Variants in INTS8 observed in about 807,000 individuals in gnomAD.
The protein encoded by INTS8 is protein kaonashi-1.
INTS8 carries 47 observed loss-of-function variants against 138.9 expected under a neutral mutation model. The ratio of observed to expected loss-of-function variants is 0.34; its 90% confidence interval spans 0.27 to 0.43. The LOEUF (loss-of-function observed/expected upper bound fraction) is 0.43. INTS8 is among the 20% of genes least tolerant of loss of function. The pLI is 1.00. For synonymous variants in INTS8, 392 were observed against 400.9 expected (o/e 0.98, Z 0.27); for missense variants, 996 against 1,173.0 (o/e 0.85, Z 2.20).
At chr8:94,828,422 A>G (rs1814591474) in intron 4 of INTS8, among the ~76,000 whole-genome samples, 2 of 152,212 alleles carry the variant, frequency 1.3e-5, no homozygotes, top group Non-Finnish European at 2.9e-5. Flanking sequence ...TTAGAGTACA[A>G]TACAAAAGTT....
intron 18 of INTS8, chr8:94,866,482 C>T (rs1586519748): frequency 6.3e-6 from 2 of 315,262 alleles, no homozygotes; most frequent in African/African-American, 4.4e-5. Context: ...ATGAGGTCTC[C>T]CCTTGTTGCC....
At chr8:94,851,770 T>TATCAAAAAGGTCA in intron 13 of INTS8, 84 bp downstream of exon 13, 1 of 1,150,570 alleles carries the variant, frequency 8.7e-7, no homozygotes, top group Non-Finnish European at 1.2e-6. Flanking sequence ...CTGACCTTTT[T>TATCAAAAAGGTCA]GATAATAAGG....
chr8:94,870,805 G>T (rs1170324468), intron 20 of INTS8, among the ~76,000 whole-genome samples: 1 of 152,256 alleles, frequency 6.6e-6, no homozygotes, highest in African/African-American at 2.4e-5. Context: ...AGAGCCATGC[G>T]TCTGAATCCA....
Position 94,827,716 on chromosome 8 carries a change from C to T in INTS8, c.447-6C>T, listed in dbSNP as rs376730024. Reference sequence around the variant, plus strand: ...TGAAATTTTCTTTTTCCTGTCTTTTCTTCAGGGCAATTAGGACAATTGTTC... The same window carrying T: ...TGAAATTTTCTTTTTCCTGTCTTTTTTTCAGGGCAATTAGGACAATTGTTC... On this transcript the variant is annotated splice_polypyrimidine_tract_variant and splice_region_variant and intron_variant, in intron 3 of 26. Transcript: ENST00000523731. 2 of 1,612,558 alleles carry T rather than the reference C, an allele frequency of 1.2e-6. No individual in the cohort carries two copies. Among genetic ancestry groups the T allele is most frequent in the African/African-American group, 2.7e-5 (2 of 74,872 alleles).
Position 94,823,333 on chromosome 8 carries a change from C to G in INTS8, c.-99C>G, listed in dbSNP as rs757657197. ...TTCCGGGACGTTCGGAGGGTGGCCT[C>G]TCTCCCACCGGGTTCCGCATACCCC... On this transcript the variant is annotated 5_prime_UTR_variant, in exon 1 of 27. Transcript: ENST00000523731. 1.6e-5 allele frequency: 24 copies of G among 1,513,236 alleles called. No homozygotes were observed. The South Asian group carries it at 2.7e-4, about 17-fold the overall frequency. 93.7% of individuals were successfully genotyped at this position (1,513,236 alleles called of 1,614,324 possible). A position where few individuals can be genotyped will look rare whatever the true frequency, so the allele number is the denominator to read the frequency against.
chr8:94,873,314 A>G (rs1816463137), intron 21 of INTS8, 60 bp from the exon 22 acceptor site: 5 of 1,133,754 alleles, frequency 4.4e-6, no homozygotes, highest in Non-Finnish European at 6.7e-6. Flanking sequence ...ACTCTTTACA[A>G]AGGAATCCCT....
intron 1 of INTS8, among the ~76,000 whole-genome samples, chr8:94,824,177 C>T (rs1191645909): frequency 1.3e-5 from 2 of 152,112 alleles, no homozygotes; most frequent in Non-Finnish European, 2.9e-5. Context: ...GAGGAAAACT[C>T]CAGGCATTCT....
At chr8:94,824,400 C>G (rs1814402638) in intron 1 of INTS8, among the ~76,000 whole-genome samples, 1 of 152,296 alleles carries the variant, frequency 6.6e-6, no homozygotes, top group East Asian at 1.9e-4. Context: ...GGGTGCCATG[C>G]ACTGTGCTTA....
chr8:94,843,258 A>T (rs758312547), intron 10 of INTS8, among the ~76,000 whole-genome samples: 7 of 152,122 alleles, frequency 4.6e-5, no homozygotes, highest in Admixed American at 6.6e-5. Context: ...ATAAATAACA[A>T]TTTTTTTCAT....
Position 94,871,711 on chromosome 8 carries a change from T to C in INTS8, c.2415-173T>C, listed in dbSNP as rs567993662. ...ACCCCTCATAAAAAGCCCATCACAC[T>C]TTCTTAGACTTAGTTGTGTTGATAG... On this transcript the variant is annotated intron_variant, in intron 20 of 26. Transcript: ENST00000523731. Among the ~76,000 whole-genome samples, 5 of 152,334 alleles carry C rather than the reference T, an allele frequency of 3.3e-5. No homozygotes were observed. The South Asian group carries it at 1.0e-3, about 32-fold the overall frequency.
intron 5 of INTS8, among the ~76,000 whole-genome samples, chr8:94,831,482 CTTTTT>C: frequency 8.2e-6 from 1 of 121,580 alleles, no homozygotes; most frequent in East Asian, 2.4e-4. Flanking sequence ...TTGTCTTTTT[CTTTTT>C]TTTTTTTTTT....
chr8:94,881,130 T>G lies in INTS8; in HGVS notation c.*896T>G. 2.5e-6 allele frequency: 1 copy of G among 396,032 alleles called. No individual in the cohort carries two copies. The highest frequency in any genetic ancestry group is 4.5e-6 in the Non-Finnish European group (1 of 224,660). 24.5% of individuals were successfully genotyped at this position (396,032 alleles called of 1,614,324 possible). On this transcript the variant is annotated 3_prime_UTR_variant, in exon 27 of 27. Coordinates refer to ENST00000523731, the MANE Select transcript of INTS8 (RefSeq NM_017864.4). Reference sequence around the variant, plus strand: ...GCAGCTATAGATAAATTAGTCACCTTATTACAAAACTAAACCTTTGTAAAC... The same window carrying G: ...GCAGCTATAGATAAATTAGTCACCTGATTACAAAACTAAACCTTTGTAAAC...
intron 2 of INTS8, among the ~76,000 whole-genome samples, chr8:94,825,384 A>G (rs1462997653): frequency 2.0e-5 from 3 of 151,878 alleles, no homozygotes; most frequent in Non-Finnish European, 4.4e-5. Context: ...GTGAGCCGAG[A>G]TGGCGCTACT....
Position 94,881,546 on chromosome 8 carries a change from C to T in INTS8, c.*1312C>T. ...TTGGCTAGGGCAATCAATCACAGCA[C>T]TACTTTCTGTAAAACTTTAGTAGTT... On this transcript the variant is annotated 3_prime_UTR_variant, in exon 27 of 27. Transcript: ENST00000523731. 7.2e-7 allele frequency: 1 copy of T among 1,392,280 alleles called. No homozygotes were observed. 86.2% of individuals were successfully genotyped at this position (1,392,280 alleles called of 1,614,324 possible).
intron 10 of INTS8, among the ~76,000 whole-genome samples, chr8:94,843,354 T>G (rs1372883727): frequency 6.6e-6 from 1 of 152,128 alleles, no homozygotes; most frequent in Non-Finnish European, 1.5e-5. Context: ...GATCACAAGG[T>G]CAGGAGTTCA....
At chr8:94,862,584 T>C (rs1377803253) in intron 16 of INTS8, among the ~76,000 whole-genome samples, 1 of 152,214 alleles carries the variant, frequency 6.6e-6, no homozygotes, top group Non-Finnish European at 1.5e-5. Context: ...AGAGGCTGTC[T>C]CACTGCTTCC....
chr8:94,853,430 GC>G (rs1815625467), intron 13 of INTS8, among the ~76,000 whole-genome samples: 1 of 152,178 alleles, frequency 6.6e-6, no homozygotes, highest in Non-Finnish European at 1.5e-5. Flanking sequence ...TACTTAAATA[GC>G]CGTATAATCT....
rs149166424 is a variant in INTS8 at position 94,856,187 on chromosome 8, T to C, written c.1753-590T>C. On this transcript the variant is annotated intron_variant, in intron 14 of 26. Transcript: ENST00000523731. ...ATTCCTGTAAGATAACAGTGTTCAGTAGATTGGACAATTAAAAGATCTTTG... is the reference window on the plus strand; with the variant it reads ...ATTCCTGTAAGATAACAGTGTTCAGCAGATTGGACAATTAAAAGATCTTTG... 6.8e-4 allele frequency among the ~76,000 whole-genome samples: 104 copies of C among 152,344 alleles called. 1 individual carries two copies. In the East Asian group the frequency reaches 0.019, roughly 28 times the overall value.
intron 16 of INTS8, among the ~76,000 whole-genome samples, chr8:94,861,422 C>T (rs1177706878): frequency 4.0e-5 from 6 of 150,440 alleles, no homozygotes; most frequent in African/African-American, 7.3e-5. Context: ...CTGCCATGCC[C>T]GGCTAATTTT....
Sources: gnomAD v4.1 joint callset for allele counts (sites outside exome capture counted in the v4.1 genomes callset) on GRCh38, gnomAD v4.1.1 for gene constraint, MANE v1.5 for transcripts, NCBI Gene and HGNC (gene_info 2026-07-23, HGNC 2026-07-21) for gene names.